ERMP1: variants seen among roughly 807,000 people sequenced by gnomAD.
The protein encoded by ERMP1 is endoplasmic reticulum metallopeptidase 1, also known as Felix-ina.
ERMP1 carries 86 observed loss-of-function variants against 92.0 expected under a neutral mutation model. The observed-to-expected ratio is 0.93, with a 90% CI of 0.79 to 1.12. ERMP1 has a LOEUF of 1.12. Among genes scored for constraint, ERMP1 ranks in the 50% most tolerant of loss-of-function variants. The pLI is 0.00. For synonymous variants in ERMP1, 530 were observed against 412.8 expected (o/e 1.28, Z -3.44); for missense variants, 1,342 against 1,116.3 (o/e 1.20, Z -2.88).
chr9:5,857,024 CTTTT>C (rs1483081310), intron 6 of ERMP1, among the ~76,000 whole-genome samples: 1 of 151,438 alleles, frequency 6.6e-6, no homozygotes, highest in Non-Finnish European at 1.5e-5. Context: ...ACTTTTTTTT[CTTTT>C]TTTTCATTTG....
chr9:5,787,572 T>G lies in ERMP1; in HGVS notation c.2408A>C (p.Tyr803Ser). 1 of 1,613,042 alleles carries G rather than the reference T, an allele frequency of 6.2e-7. No individual in the cohort carries two copies. Among genetic ancestry groups the G allele is most frequent in the Non-Finnish European group, 8.5e-7 (1 of 1,179,602 alleles). ...EATGPSHMSF[Y>S]VRAHKGSTLS... is the part of the protein sequence containing the mutation. ...TGTTGACCCTTTGTGGGCTCGAACA[T>G]AGAAGGACATATGGCTTGGTCCTGT... Residue 803 changes from tyrosine to serine, a missense_variant, in exon 14 of 15, where the codon TAT (tyrosine) becomes TCT (serine). Tyr to Ser is a moderately radical substitution (Grantham distance 144). Coordinates refer to ENST00000339450, the MANE Select transcript of ERMP1 (RefSeq NM_024896.3).
intron 5 of ERMP1, among the ~76,000 whole-genome samples, chr9:5,865,934 G>A (rs764009868): frequency 3.3e-5 from 5 of 151,684 alleles, no homozygotes; most frequent in Non-Finnish European, 5.9e-5. Flanking sequence ...AGTTAGCAGG[G>A]TTTATATCTG....
At position 5,807,429 on chromosome 9, in the gene ERMP1, G is replaced by A. The variant is rs550396518; in HGVS notation, c.1549-1644C>T. Among the ~76,000 whole-genome samples, 5 of 152,116 alleles carry A rather than the reference G, an allele frequency of 3.3e-5. No individual in the cohort carries two copies. In the South Asian group the frequency reaches 1.0e-3, roughly 32 times the overall value. On this transcript the variant is annotated intron_variant, in intron 8 of 14. Coordinates refer to ENST00000339450, the MANE Select transcript of ERMP1 (RefSeq NM_024896.3). ...CGCTCATCAATCTGTTCCCTACCTG[G>A]TATATTTTAACACATGCTTCAAAAA...
intron 6 of ERMP1, among the ~76,000 whole-genome samples, chr9:5,858,928 G>A (rs929277965): frequency 1.3e-5 from 2 of 152,200 alleles, no homozygotes; most frequent in African/African-American, 4.8e-5. Flanking sequence ...CTGAGGCTGG[G>A]AGTTCACCAA....
rs1343107211 is a variant in ERMP1, at chr9:5,801,214, T to C, written c.2029A>G (p.Asn677Asp). ...CSGTFFPYSS[N>D]PANPKPKRVF... ...CTCTTTGGCTTCGGATTAGCAGGAT[T>C]GGAGCTATATGGAAAAAATGTTCCA... Residue 677 changes from asparagine to aspartate, a missense_variant, in exon 11 of 15, where the codon AAT (asparagine) becomes GAT (aspartate). By Grantham distance (23) the Asn-to-Asp change is conservative. Coordinates refer to ENST00000339450, the MANE Select transcript of ERMP1 (RefSeq NM_024896.3). 5 of 1,613,748 alleles carry C rather than the reference T, an allele frequency of 3.1e-6. No individual in the cohort carries two copies. The South Asian group carries it at 5.5e-5, about 18-fold the overall frequency.
chr9:5,789,527 A>G (rs1050565761), intron 13 of ERMP1, among the ~76,000 whole-genome samples: 1 of 152,254 alleles, frequency 6.6e-6, no homozygotes, highest in Non-Finnish European at 1.5e-5. Flanking sequence ...CAACCAACAG[A>G]TAACTGTACA....
chr9:5,856,016 C>A, intron 6 of ERMP1: 1 of 339,384 alleles, frequency 2.9e-6, no homozygotes, highest in Non-Finnish European at 5.9e-6. Context: ...CCCATGTACA[C>A]CAGGTGGATT....
In ERMP1 at chr9:5,811,110, C is replaced by G; in HGVS notation, c.1327+1G>C. On this transcript the variant is annotated splice_donor_variant, in intron 7 of 14. Transcript: ENST00000339450. LOFTEE classifies it high-confidence loss of function. ...TTGTAGTTTTAGAGGAAAATACTTACTCTTATGTTTGGGCTGCAAAAATTT... is the reference window on the plus strand; with the variant it reads ...TTGTAGTTTTAGAGGAAAATACTTAGTCTTATGTTTGGGCTGCAAAAATTT... The G allele has an allele frequency of 6.2e-7, 1 of 1,604,002 alleles. No individual in the cohort carries two copies. The highest frequency in any genetic ancestry group is 8.5e-7 in the Non-Finnish European group (1 of 1,170,888).
chr9:5,789,876 G>C (rs1342541566), intron 13 of ERMP1, among the ~76,000 whole-genome samples: 1 of 149,352 alleles, frequency 6.7e-6, no homozygotes, highest in East Asian at 2.1e-4. Flanking sequence ...TAGAGATGGG[G>C]TCTCCCCGTG....
chr9:5,853,592 C>G (rs907132671), intron 6 of ERMP1, among the ~76,000 whole-genome samples: 1 of 151,846 alleles, frequency 6.6e-6, no homozygotes, highest in African/African-American at 2.4e-5. Context: ...AAACAAGGAC[C>G]AGGAAATCAT....
chr9:5,836,440 A>C (rs1043789198), upstream of ERMP1, among the ~76,000 whole-genome samples: 6 of 152,202 alleles, frequency 3.9e-5, no homozygotes, highest in African/African-American at 1.4e-4. Context: ...CAGAAAAAAG[A>C]AGCAGTTGTC....
At chr9:5,804,816 G>C (rs1394730801) in intron 10 of ERMP1, among the ~76,000 whole-genome samples, 1 of 151,794 alleles carries the variant, frequency 6.6e-6, no homozygotes, top group African/African-American at 2.4e-5. Flanking sequence ...AGGATAGGGA[G>C]GCAAAAAACT....
Position 5,813,516 on chromosome 9 carries a change from C to T in ERMP1, c.875-481G>A, listed in dbSNP as rs117081990. Among the ~76,000 whole-genome samples, 1,392 of 152,064 alleles carry T rather than the reference C, an allele frequency of 9.2e-3. 12 individuals carry two copies. The highest frequency in any genetic ancestry group is 0.01 in the Non-Finnish European group (700 of 67,962). On this transcript the variant is annotated intron_variant, in intron 4 of 14. Coordinates refer to ENST00000339450, the MANE Select transcript of ERMP1 (RefSeq NM_024896.3). ...AAGTATTTTGGATTTTTTACTTTTTCGGATTTTGGAATATCTGCATTATAC... is the reference window on the plus strand; with the variant it reads ...AAGTATTTTGGATTTTTTACTTTTTTGGATTTTGGAATATCTGCATTATAC...
intron 3 of ERMP1, 141 bp from the exon 4 acceptor site, chr9:5,824,142 A>G (rs764912678): frequency 3.5e-5 from 23 of 660,156 alleles, no homozygotes; most frequent in Non-Finnish European, 6.0e-5. Flanking sequence ...GCAGTATCCA[A>G]AGACATCTTC....
At chr9:5,866,228 TAGA>T (rs1261352014) in intron 5 of ERMP1, among the ~76,000 whole-genome samples, 2 of 152,226 alleles carry the variant, frequency 1.3e-5, no homozygotes, top group Admixed American at 6.5e-5. Flanking sequence ...ATATTGTTTG[TAGA>T]ACTATTACTA....
At chr9:5,795,468 A>T (rs1055696475) in intron 13 of ERMP1, among the ~76,000 whole-genome samples, 1 of 152,208 alleles carries the variant, frequency 6.6e-6, no homozygotes, top group African/African-American at 2.4e-5. Context: ...AGATGATAAG[A>T]TTGTCTATTC....
upstream of ERMP1, among the ~76,000 whole-genome samples, chr9:5,836,631 T>G (rs148802370): frequency 3.8e-4 from 58 of 152,124 alleles, no homozygotes; most frequent in Non-Finnish European, 7.5e-4. Context: ...TTTTTTAGGT[T>G]TTTGTTTGTT....
chr9:5,801,173 C>T lies in ERMP1; in HGVS notation c.2067+3G>A, dbSNP rs893254419. The T allele has an allele frequency of 6.2e-7, 1 of 1,608,338 alleles. No homozygotes were observed. The highest frequency in any genetic ancestry group is 8.5e-7 in the Non-Finnish European group (1 of 1,178,034). On this transcript the variant is annotated splice_donor_region_variant and intron_variant, in intron 11 of 14. Coordinates refer to ENST00000339450, the MANE Select transcript of ERMP1 (RefSeq NM_024896.3). ...CTCAAATACCTCATGCAAAACTGCT[C>T]ACCTGAAGAAACACTCTCTTTGGCT...
At chr9:5,803,776 T>C (rs948759266) in intron 10 of ERMP1, among the ~76,000 whole-genome samples, 13 of 152,186 alleles carry the variant, frequency 8.5e-5, no homozygotes, top group African/African-American at 2.9e-4. Flanking sequence ...AAGAACATTT[T>C]AGAACTTTTC....
Sources: gnomAD v4.1 joint callset for allele counts (sites outside exome capture counted in the v4.1 genomes callset) on GRCh38, gnomAD v4.1.1 for gene constraint, MANE v1.5 for transcripts, NCBI Gene and HGNC (gene_info 2026-07-23, HGNC 2026-07-21) for gene names.